The following MSI2 variants were observed in gnomAD, a reference collection of about 807,000 sequenced individuals.
MSI2 encodes RNA-binding protein Musashi homolog 2.
Under a neutral mutation model 45.6 loss-of-function variants are expected in MSI2, and 17 were observed. The ratio of observed to expected loss-of-function variants is 0.37; its 90% CI spans 0.26 to 0.56. The LOEUF is 0.56. Ranked by LOEUF, MSI2 falls within the 20% of genes least tolerant of loss-of-function variation. MSI2 has a pLI of 0.77. For synonymous variants in MSI2, 156 were observed against 158.2 expected, an observed-to-expected ratio of 0.99 and a Z score of 0.11; for missense variants, 293 against 444.2, an observed-to-expected ratio of 0.66 and a Z score of 3.06.
At chr17:57,676,246 ACACGCACACAGACATGCACGCACACG>A (rs1485868788) in intron 12 of MSI2, among the ~76,000 whole-genome samples, 1 of 152,120 alleles carries the variant, frequency 6.6e-6, no homozygotes, top group Non-Finnish European at 1.5e-5. Context: ...ATGCATGCAC[ACACGCACACAGACATGCACGCACACG>A]CACGCACACA....
At chr17:57,577,557 C>A (rs1035216588) in intron 7 of MSI2, among the ~76,000 whole-genome samples, 1 of 151,900 alleles carries the variant, frequency 6.6e-6, no homozygotes, top group East Asian at 1.9e-4. Flanking sequence ...AGATGATAGA[C>A]AAGCAAGAGA....
intron 5 of MSI2, among the ~76,000 whole-genome samples, chr17:57,357,195 C>T (rs1175303555): frequency 6.6e-6 from 1 of 152,120 alleles, no homozygotes; most frequent in Admixed American, 6.5e-5. Flanking sequence ...TGCTTTCTCC[C>T]CAAGCAGAGG....
In MSI2 at chr17:57,652,285, G is replaced by A; in HGVS notation, c.790+124G>A. 3.0e-6 allele frequency: 3 copies of A among 993,424 alleles called. No homozygotes were observed. In the South Asian group the frequency reaches 4.6e-5, roughly 15 times the overall value. 61.5% of individuals were successfully genotyped at this position (993,424 alleles called of 1,614,324 possible). ...ACCACTCTCACCACAGCCCCGGGGA[G>A]GGGGTGGACGGGGAGGGGGTGGACC... On this transcript the variant is annotated intron_variant, in intron 11 of 13. Coordinates refer to ENST00000284073, the MANE Select transcript of MSI2 (RefSeq NM_138962.4). This position sits in a 1 kb window ranked among gnomAD's most constrained non-coding sequence, Gnocchi z 4.1.
intron 6 of MSI2, among the ~76,000 whole-genome samples, chr17:57,406,004 G>A (rs533480343): frequency 1.3e-5 from 2 of 152,232 alleles, no homozygotes; most frequent in African/African-American, 2.4e-5. Context: ...CCTACCCTTC[G>A]CCTCTTTTTA....
intron 5 of MSI2, among the ~76,000 whole-genome samples, chr17:57,343,887 G>A (rs1915379035): frequency 1.1e-4 from 17 of 152,128 alleles, no homozygotes; most frequent in Admixed American, 1.1e-3. Flanking sequence ...CTAGATTCAA[G>A]TTATGCTTTC....
rs35707042 is a variant in MSI2 at position 57,454,438 on chromosome 17, CTTTTTT to C, written c.405+52979_405+52984del. The stretch of plus-strand genomic sequence containing the variant: ...TCTCTCTCTTTTTCTTTTTCTCTTT[CTTTTTT>C]TTTTTTTTTTTGAGATGGATTCTCG... On this transcript the variant is annotated intron_variant, in intron 6 of 13. Transcript: ENST00000284073. Among the ~76,000 whole-genome samples the C allele has an allele frequency of 7.7e-5, 10 of 130,122 alleles. No individual in the cohort carries two copies. In the East Asian group the frequency reaches 8.8e-4, roughly 11 times the overall value. The allele number at this position is 130,122 out of a possible 152,430, so 85.4% of individuals were successfully genotyped here. A position where few individuals can be genotyped will look rare whatever the true frequency, so the allele number is the denominator to read the frequency against.
intron 6 of MSI2, chr17:57,522,675 C>T (rs2086615997): frequency 6.6e-6 from 1 of 152,128 alleles, no homozygotes; most frequent in South Asian, 2.1e-4. Flanking sequence ...AGAATTTCCT[C>T]CTTTCACAGA....
intron 5 of MSI2, among the ~76,000 whole-genome samples, chr17:57,310,204 C>T (rs1912265701): frequency 6.6e-6 from 1 of 152,214 alleles, no homozygotes; most frequent in Admixed American, 6.5e-5. Context: ...GGAGCTGCTG[C>T]TGGAGTGGAC....
chr17:57,623,384 G>A (rs183117498), intron 9 of MSI2, among the ~76,000 whole-genome samples: 10 of 152,226 alleles, frequency 6.6e-5, no homozygotes, highest in Non-Finnish European at 8.8e-5. Context: ...TCATGGACCC[G>A]TCTAGAAGGG....
At chr17:57,439,088 A>G (rs983061577) in intron 6 of MSI2, among the ~76,000 whole-genome samples, 5 of 152,136 alleles carry the variant, frequency 3.3e-5, no homozygotes, top group African/African-American at 1.2e-4. Flanking sequence ...ATTTTGTTGT[A>G]TGTCTGTTGA....
chr17:57,534,583 G>C (rs2086884903), intron 7 of MSI2, among the ~76,000 whole-genome samples: 2 of 147,954 alleles, frequency 1.4e-5, no homozygotes, highest in Admixed American at 6.8e-5. Context: ...GTGGTGGTGG[G>C]TGCCTCCTGA....
chr17:57,385,981 G>T (rs919757356), intron 5 of MSI2, among the ~76,000 whole-genome samples: 8 of 150,756 alleles, frequency 5.3e-5, no homozygotes, highest in Non-Finnish European at 1.0e-4. Context: ...GGTTGATGTC[G>T]ATTGGAATGA....
chr17:57,344,154 T>C (rs1298517257), intron 5 of MSI2, among the ~76,000 whole-genome samples: 4 of 152,228 alleles, frequency 2.6e-5, no homozygotes, highest in Non-Finnish European at 5.9e-5. Flanking sequence ...CAGCAATGGT[T>C]ACAAAATAAT....
At chr17:57,589,810 TGTCA>T (rs1904656130) in intron 7 of MSI2, among the ~76,000 whole-genome samples, 1 of 152,198 alleles carries the variant, frequency 6.6e-6, no homozygotes, top group Non-Finnish European at 1.5e-5. Context: ...TTAGCGGCCA[TGTCA>T]CGATGGATGA....
intron 5 of MSI2, among the ~76,000 whole-genome samples, chr17:57,346,593 C>T (rs1252294886): frequency 6.6e-6 from 1 of 152,096 alleles, no homozygotes; most frequent in Non-Finnish European, 1.5e-5. Flanking sequence ...ATTAGCAGAA[C>T]ATTTTGCAAA....
intron 7 of MSI2, among the ~76,000 whole-genome samples, chr17:57,553,679 G>A (rs1364224076): frequency 6.6e-6 from 1 of 152,190 alleles, no homozygotes; most frequent in African/African-American, 2.4e-5. Flanking sequence ...AGAGGAGGGT[G>A]CACGGGCAGC....
chr17:57,629,797 A>G (rs1909174915), intron 10 of MSI2: 1 of 152,390 alleles, frequency 6.6e-6, no homozygotes, highest in Non-Finnish European at 1.5e-5. Flanking sequence ...GCAAAGGCTC[A>G]CGCATCTCGG....
At chr17:57,329,154 GT>G (rs1220844938) in intron 5 of MSI2, among the ~76,000 whole-genome samples, 1 of 152,128 alleles carries the variant, frequency 6.6e-6, no homozygotes, top group African/African-American at 2.4e-5. Context: ...CTGGGATTGT[GT>G]GTTGTTTCAC....
intron 6 of MSI2, among the ~76,000 whole-genome samples, chr17:57,497,482 G>A (rs1481797360): frequency 3.3e-5 from 5 of 152,222 alleles, no homozygotes; most frequent in African/African-American, 1.2e-4. Context: ...GCAGTGCTGG[G>A]GAGCTGCGCT....
Sources: allele counts gnomAD v4.1 joint callset (sites outside exome capture counted in the v4.1 genomes callset), GRCh38; gene constraint gnomAD v4.1.1; non-coding constraint Gnocchi (gnomAD v3.1); transcripts MANE v1.5; gene names NCBI Gene and HGNC (gene_info 2026-07-23, HGNC 2026-07-21).